Variants in TMCO5A observed in about 807,000 individuals in gnomAD.
TMCO5A encodes the protein transmembrane and coiled-coil domain-containing protein 5A.
A neutral mutation model predicts 42.3 loss-of-function variants in TMCO5A; 34 were observed. The observed-to-expected ratio is 0.80, with a 90% CI of 0.61 to 1.07. TMCO5A has a LOEUF of 1.07. Among genes scored for constraint, TMCO5A ranks in the 50% least tolerant of loss-of-function variants. The pLI, the probability that TMCO5A is intolerant of heterozygous loss-of-function variation, is 0.00. For missense variants in TMCO5A, 357 were observed against 327.9 expected, an observed-to-expected ratio of 1.09 and a Z score of -0.69; for synonymous variants, 131 against 115.6, an observed-to-expected ratio of 1.13 and a Z score of -0.86.
At chr15:37,991,016 A>T in the TMCO5A span, among the ~76,000 whole-genome samples, 1 of 152,114 alleles carries the variant, frequency 6.6e-6, no homozygotes, top group Non-Finnish European at 1.5e-5. Context: ...TAAACTATTT[A>T]AAAAACAAAA....
chr15:38,017,808 C>T, the TMCO5A span, among the ~76,000 whole-genome samples: 1 of 152,232 alleles, frequency 6.6e-6, no homozygotes, highest in Middle Eastern at 3.4e-3. Context: ...CAATTGTAGT[C>T]CCTGTATGTT....
At chr15:38,038,192 C>T in the TMCO5A span, among the ~76,000 whole-genome samples, 3 of 151,924 alleles carry the variant, frequency 2.0e-5, no homozygotes, top group East Asian at 1.9e-4. Flanking sequence ...CTGTTCCTAC[C>T]GTGTCCAAGT....
chr15:37,981,099 G>A, the TMCO5A span, among the ~76,000 whole-genome samples: 1 of 150,400 alleles, frequency 6.6e-6, no homozygotes, highest in African/African-American at 2.4e-5. Flanking sequence ...TTAAAGTAAA[G>A]GTAAATGTTG....
At chr15:37,937,729 A>G (rs1238964083) in intron 5 of TMCO5A, among the ~76,000 whole-genome samples, 2 of 152,160 alleles carry the variant, frequency 1.3e-5, no homozygotes, top group Non-Finnish European at 2.9e-5. Context: ...TACTTTCAAC[A>G]GAGACCTTTT....
chr15:37,965,044 C>T (rs564872419), intron 11 of TMCO5A, among the ~76,000 whole-genome samples: 17 of 152,162 alleles, frequency 1.1e-4, no homozygotes, highest in Admixed American at 3.3e-4. Flanking sequence ...CAAAGCAGCA[C>T]GGTACTGGCA....
At chr15:37,950,909 T>C (rs1890133242) in intron 11 of TMCO5A, 127 bp from the exon 12 acceptor site, 1 of 755,624 alleles carries the variant, frequency 1.3e-6, no homozygotes, top group African/African-American at 1.8e-5. Context: ...TAAAAGGTTG[T>C]CAGGAAAGGG....
At chr15:38,029,716 C>T in the TMCO5A span, among the ~76,000 whole-genome samples, 1 of 152,148 alleles carries the variant, frequency 6.6e-6, no homozygotes. Flanking sequence ...TCCCAAAGTA[C>T]TGGGATTACA....
chr15:37,993,316 T>A, the TMCO5A span: 1 of 152,188 alleles, frequency 6.6e-6, no homozygotes, highest in South Asian at 2.1e-4. Flanking sequence ...ATCTGGATTA[T>A]AATGAAGTAA....
chr15:38,035,387 A>G, the TMCO5A span, among the ~76,000 whole-genome samples: 23 of 152,206 alleles, frequency 1.5e-4, no homozygotes, highest in Middle Eastern at 3.2e-3. Context: ...GATCCTGGAC[A>G]CTGCAGTTTT....
chr15:38,005,264 G>GA, the TMCO5A span, among the ~76,000 whole-genome samples: 1,973 of 89,272 alleles, frequency 0.022, 26 homozygotes, highest in Middle Eastern at 0.044. Flanking sequence ...GTACTTGACA[G>GA]AAAAAAAAAA....
the TMCO5A span, among the ~76,000 whole-genome samples, chr15:37,997,017 A>AC: frequency 6.6e-6 from 1 of 152,252 alleles, no homozygotes; most frequent in African/African-American, 2.4e-5. Flanking sequence ...ATTAGGATGA[A>AC]TGAGTTCATT....
At chr15:38,027,730 G>A in the TMCO5A span, among the ~76,000 whole-genome samples, 8 of 152,258 alleles carry the variant, frequency 5.3e-5, 1 homozygote, top group Admixed American at 5.2e-4. Flanking sequence ...GCAGTAGCAG[G>A]TGGAAATAAT....
chr15:38,015,314 A>G, the TMCO5A span, among the ~76,000 whole-genome samples: 6 of 152,278 alleles, frequency 3.9e-5, no homozygotes, highest in South Asian at 1.0e-3. Flanking sequence ...GCAACTAGGA[A>G]ACAATAAGAT....
the TMCO5A span, among the ~76,000 whole-genome samples, chr15:38,006,002 A>G: frequency 6.6e-6 from 1 of 152,194 alleles, no homozygotes; most frequent in East Asian, 1.9e-4. Context: ...AGAATGATAA[A>G]TTATTTGCAC....
At chr15:37,934,924 G>A (rs1258680257) in intron 1 of TMCO5A, among the ~76,000 whole-genome samples, 2 of 152,112 alleles carry the variant, frequency 1.3e-5, no homozygotes, top group African/African-American at 4.8e-5. Context: ...AGAGCAAAAA[G>A]AGACTTATTG....
At chr15:37,996,503 T>C in the TMCO5A span, among the ~76,000 whole-genome samples, 2 of 152,238 alleles carry the variant, frequency 1.3e-5, no homozygotes, top group African/African-American at 4.8e-5. Flanking sequence ...CTTCTTTTTA[T>C]GGAATTTAGA....
intron 4 of TMCO5A, 109 bp from the exon 5 acceptor site, chr15:37,937,237 G>A (rs752899886): frequency 3.9e-4 from 514 of 1,316,856 alleles, no homozygotes; most frequent in Non-Finnish European, 4.8e-4. Context: ...ATGCAAATAA[G>A]GTCAAGTTAC....
intron 11 of TMCO5A, among the ~76,000 whole-genome samples, chr15:37,948,665 T>C (rs1300880026): frequency 6.6e-6 from 1 of 152,056 alleles, no homozygotes; most frequent in Non-Finnish European, 1.5e-5. Context: ...AAGGAAATCT[T>C]AGAAAAGAGA....
chr15:37,942,384 C>T (rs751186721), intron 9 of TMCO5A, 129 bp downstream of exon 9: 23 of 819,868 alleles, frequency 2.8e-5, no homozygotes, highest in Non-Finnish European at 4.3e-5. Context: ...TCTTTGCCCT[C>T]TGTTAGTGAT....
Sources: allele counts gnomAD v4.1 joint callset (sites outside exome capture counted in the v4.1 genomes callset), GRCh38; gene constraint gnomAD v4.1.1; transcripts MANE v1.5; gene names NCBI Gene and HGNC (gene_info 2026-07-23, HGNC 2026-07-21).